Variants in ENAH observed in about 807,000 individuals in gnomAD.
The protein encoded by ENAH is protein enabled homolog.
A neutral mutation model predicts 78.7 loss-of-function variants in ENAH; 23 were observed. The ratio of observed to expected loss-of-function variants is 0.29; its 90% CI spans 0.21 to 0.41. The LOEUF is 0.41. ENAH is among the 10% of genes least tolerant of loss of function. The pLI, the probability that ENAH is intolerant of heterozygous loss-of-function variation, is 1.00. For synonymous variants in ENAH, 226 were observed against 241.0 expected (o/e 0.94, Z 0.58); for missense variants, 544 against 691.0 (o/e 0.79, Z 2.39).
intron 7 of ENAH, 48 bp from the exon 8 acceptor site, chr1:225,513,064 T>C: frequency 1.4e-6 from 2 of 1,458,506 alleles, no homozygotes; most frequent in Non-Finnish European, 1.8e-6. Context: ...TAGACAACCA[T>C]ATTTTTATTA....
In ENAH at chr1:225,519,442, C is replaced by T. The variant is rs1486103962; in HGVS notation, c.558G>A (p.Leu186=). The T allele has an allele frequency of 3.7e-6, 6 of 1,613,430 alleles. No individual in the cohort carries two copies. In the East Asian group the frequency reaches 6.7e-5, roughly 18 times the overall value. Residue 186 remains leucine, a synonymous_variant, in exon 5 of 14, where the codon CTG becomes CTA. Transcript: ENST00000366843. ...TCTCTCTCTCCAGCTGTTCTTGTTC[C>T]AGTCGCTCCCTCTCCAGCCTTTCCC... ...LERERLERER[L]EQEQLERERQ... is the part of the protein sequence containing the mutation.
chr1:225,632,671 T>C (rs111872448), intron 1 of ENAH, among the ~76,000 whole-genome samples: 1,733 of 152,380 alleles, frequency 0.011, 27 homozygotes, highest in African/African-American at 0.039. Context: ...GAAAAGCATC[T>C]ACATATAGTT....
intron 1 of ENAH, among the ~76,000 whole-genome samples, chr1:225,609,483 C>G (rs1031232952): frequency 1.3e-5 from 2 of 151,896 alleles, no homozygotes; most frequent in Non-Finnish European, 2.9e-5. Flanking sequence ...GAATGTAAAA[C>G]AGCTAAACCA....
chr1:225,602,254 G>T lies in ENAH; in HGVS notation c.6-34840C>A, dbSNP rs368916984. Among the ~76,000 whole-genome samples the T allele has an allele frequency of 4.6e-5, 7 of 152,116 alleles. 1 individual carries two copies. The East Asian group carries it at 1.4e-3, about 29-fold the overall frequency. ...TTCTCCCAACAAAGTAAAACAAAAC[G>T]AACTCCGTGATGAGACCTTTTTTTA... On this transcript the variant is annotated intron_variant, in intron 1 of 13. Transcript: ENST00000366843.
chr1:225,509,526 G>C (rs1423208642), intron 10 of ENAH, among the ~76,000 whole-genome samples: 4 of 152,168 alleles, frequency 2.6e-5, no homozygotes, highest in African/African-American at 9.7e-5. Flanking sequence ...GGAGGGGCAA[G>C]GCTGGGTTCC....
intron 1 of ENAH, among the ~76,000 whole-genome samples, chr1:225,621,865 T>C (rs1056852905): frequency 5.3e-5 from 8 of 152,304 alleles, no homozygotes; most frequent in South Asian, 4.2e-4. Context: ...CTCTACTCAG[T>C]CCTTGGAGAC....
intron 3 of ENAH, among the ~76,000 whole-genome samples, chr1:225,548,578 A>G (rs2096626479): frequency 6.6e-6 from 1 of 152,248 alleles, no homozygotes; most frequent in East Asian, 1.9e-4. Flanking sequence ...GTAAAAATAA[A>G]TGGCCTGAAG....
At chr1:225,571,515 C>T (rs1215879987) in intron 1 of ENAH, among the ~76,000 whole-genome samples, 1 of 152,116 alleles carries the variant, frequency 6.6e-6, no homozygotes, top group Non-Finnish European at 1.5e-5. Context: ...GTCCTGGGTA[C>T]AGGGCTCCTC....
chr1:225,615,185 GGC>G (rs1391397898), intron 1 of ENAH, among the ~76,000 whole-genome samples: 3 of 152,204 alleles, frequency 2.0e-5, no homozygotes, highest in East Asian at 1.9e-4. Flanking sequence ...TGGGATTGCA[GGC>G]GCGCGCCGCC....
At chr1:225,541,939 T>C (rs2096591199) in intron 3 of ENAH, among the ~76,000 whole-genome samples, 1 of 152,186 alleles carries the variant, frequency 6.6e-6, no homozygotes, top group Non-Finnish European at 1.5e-5. Context: ...TGAAGTGCAA[T>C]GGTGAGTTCC....
At chr1:225,576,381 T>G (rs1175538728) in intron 1 of ENAH, among the ~76,000 whole-genome samples, 1 of 151,972 alleles carries the variant, frequency 6.6e-6, no homozygotes, top group Non-Finnish European at 1.5e-5. Flanking sequence ...ATTATATAAA[T>G]TGATATGTGA....
chr1:225,600,735 G>C (rs1037006944), intron 1 of ENAH, among the ~76,000 whole-genome samples: 2 of 152,008 alleles, frequency 1.3e-5, no homozygotes, highest in Non-Finnish European at 2.9e-5. Flanking sequence ...GTGTGCGCCC[G>C]GAGTCCCAGC....
chr1:225,504,507 T>C (rs1158937327), intron 11 of ENAH, among the ~76,000 whole-genome samples: 2 of 152,214 alleles, frequency 1.3e-5, no homozygotes, highest in Admixed American at 6.5e-5. Flanking sequence ...AAAAATGGTA[T>C]AATAGGGCTC....
intron 1 of ENAH, among the ~76,000 whole-genome samples, chr1:225,589,646 G>A (rs1017515242): frequency 4.6e-5 from 7 of 152,050 alleles, no homozygotes; most frequent in Non-Finnish European, 1.0e-4. Context: ...GCGTATTATT[G>A]TTGCATTGTT....
At chr1:225,529,862 C>T (rs991997656) in intron 4 of ENAH, among the ~76,000 whole-genome samples, 4 of 152,216 alleles carry the variant, frequency 2.6e-5, no homozygotes, top group Admixed American at 2.6e-4. Context: ...AGCTCCTCCC[C>T]TGTCCTCCCC....
At chr1:225,525,288 G>T (rs2096495197) in intron 4 of ENAH, among the ~76,000 whole-genome samples, 1 of 151,984 alleles carries the variant, frequency 6.6e-6, no homozygotes, top group Non-Finnish European at 1.5e-5. Context: ...CACCACTTTG[G>T]ATACACCAAT....
At chr1:225,589,664 A>AT (rs1380206194) in intron 1 of ENAH, among the ~76,000 whole-genome samples, 1 of 152,126 alleles carries the variant, frequency 6.6e-6, no homozygotes, top group African/African-American at 2.4e-5. Context: ...GTTTTTTAAT[A>AT]TTTTTTATCT....
At chr1:225,615,393 C>A (rs1208397936) in intron 1 of ENAH, among the ~76,000 whole-genome samples, 2 of 152,186 alleles carry the variant, frequency 1.3e-5, no homozygotes, top group African/African-American at 4.8e-5. Flanking sequence ...CGGCTCGCTA[C>A]AACCTCCACC....
At chr1:225,509,124 G>A (rs765003049) in intron 10 of ENAH, among the ~76,000 whole-genome samples, 8 of 151,962 alleles carry the variant, frequency 5.3e-5, no homozygotes, top group South Asian at 2.1e-4. Context: ...CTCAATGACC[G>A]CCACAGTGGT....
Sources: gnomAD v4.1 joint callset for allele counts (sites outside exome capture counted in the v4.1 genomes callset) on GRCh38, gnomAD v4.1.1 for gene constraint, MANE v1.5 for transcripts, NCBI Gene and HGNC (gene_info 2026-07-23, HGNC 2026-07-21) for gene names.